PRKCB: variants seen among roughly 807,000 people sequenced by gnomAD.
PRKCB encodes the protein protein kinase C beta type.
PRKCB carries 13 observed loss-of-function variants against 81.5 expected under a neutral mutation model. The observed-to-expected ratio is 0.16, with a 90% CI of 0.10 to 0.25. The LOEUF (loss-of-function observed/expected upper bound fraction) is 0.25. Among genes scored for constraint, PRKCB ranks in the 10% least tolerant of loss-of-function variants. The pLI, the probability that PRKCB is intolerant of heterozygous loss-of-function variation, is 1.00. For missense variants in PRKCB, 509 were observed against 875.7 expected (o/e 0.58, Z 5.29); for synonymous variants, 335 against 321.4 (o/e 1.04, Z -0.45).
intron 3 of PRKCB, among the ~76,000 whole-genome samples, chr16:24,019,255 G>A (rs543265632): frequency 1.3e-5 from 2 of 151,752 alleles, no homozygotes; most frequent in African/African-American, 2.4e-5. Flanking sequence ...CAGGCAGGAG[G>A]ATCACTTGAG....
chr16:24,094,719 TG>T (rs761688781), intron 7 of PRKCB, among the ~76,000 whole-genome samples: 50 of 149,326 alleles, frequency 3.3e-4, no homozygotes, highest in African/African-American at 1.2e-3. Context: ...GTGAGCAAGG[TG>T]GTCAGAGATT....
chr16:23,920,392 C>G (rs2188356), intron 2 of PRKCB, among the ~76,000 whole-genome samples: 78,511 of 152,062 alleles, frequency 0.52, 21,114 homozygotes, highest in East Asian at 0.62. Flanking sequence ...GGCATTTAAA[C>G]CGATTTTGTG....
intron 2 of PRKCB, among the ~76,000 whole-genome samples, chr16:23,954,408 G>A (rs1436738567): frequency 6.6e-6 from 1 of 152,224 alleles, no homozygotes; most frequent in African/African-American, 2.4e-5. Flanking sequence ...TCCTCAGTAA[G>A]GATGATGGGC....
rs1476624243 is a variant in PRKCB, at chr16:24,132,771, C to CTCTTT, written c.1065+8791_1065+8792insCTTTT. Reference sequence around the variant, plus strand: ...TGATTTAGATGTGTATGATTTGGGGCTTTTTTTTTTTTTTTTTTTTTCTTC... The same window carrying CTCTTT: ...TGATTTAGATGTGTATGATTTGGGGCTCTTTTTTTTTTTTTTTTTTTTTTTTCTTC... On this transcript the variant is annotated intron_variant, in intron 9 of 16. Coordinates refer to ENST00000643927, the MANE Select transcript of PRKCB (RefSeq NM_002738.7). Among the ~76,000 whole-genome samples, 615 of 100,864 alleles carry CTCTTT rather than the reference C, an allele frequency of 6.1e-3. 3 individuals are homozygous for CTCTTT. Among genetic ancestry groups the CTCTTT allele is most frequent in the African/African-American group, 0.025 (569 of 22,790 alleles). 66.2% of individuals were successfully genotyped at this position (100,864 alleles called of 152,430 possible). A position where few individuals can be genotyped will look rare whatever the true frequency, so the allele number is the denominator to read the frequency against.
chr16:24,005,581 G>C (rs549733932), intron 3 of PRKCB, among the ~76,000 whole-genome samples: 1 of 152,286 alleles, frequency 6.6e-6, no homozygotes, highest in African/African-American at 2.4e-5. Context: ...TCCTCCATCC[G>C]CTGGGAGTCA....
intron 2 of PRKCB, among the ~76,000 whole-genome samples, chr16:23,936,579 A>ATTTTTTTTTTTTTTTTTTTT (rs57643578): frequency 1.0e-5 from 1 of 96,040 alleles, no homozygotes; most frequent in Non-Finnish European, 1.9e-5. Flanking sequence ...CACCCAACTA[A>ATTTTTTTTTTTTTTTTTTTT]TTTTTTTTTT....
At chr16:23,957,004 AAAG>A (rs1222608633) in intron 2 of PRKCB, among the ~76,000 whole-genome samples, 7 of 151,126 alleles carry the variant, frequency 4.6e-5, no homozygotes, top group Middle Eastern at 3.4e-3. Flanking sequence ...AAAAAAAAAA[AAAG>A]AATATTAGAG....
chr16:23,883,185 C>T (rs559391237), intron 2 of PRKCB, among the ~76,000 whole-genome samples: 2 of 152,158 alleles, frequency 1.3e-5, no homozygotes, highest in African/African-American at 4.8e-5. Context: ...GATCCACTGG[C>T]GATAAATGTC....
intron 5 of PRKCB, among the ~76,000 whole-genome samples, chr16:24,065,374 ATTT>A (rs1024841562): frequency 1.1e-4 from 17 of 151,398 alleles, no homozygotes; most frequent in African/African-American, 4.1e-4. Flanking sequence ...TGTTTTTATT[ATTT>A]TTATATTGAT....
intron 2 of PRKCB, among the ~76,000 whole-genome samples, chr16:23,929,921 C>T (rs1199693922): frequency 6.6e-6 from 1 of 151,864 alleles, no homozygotes; most frequent in Non-Finnish European, 1.5e-5. Context: ...TGGGGCACAG[C>T]GTACTATGAA....
chr16:23,892,076 A>G (rs1283047795), intron 2 of PRKCB, among the ~76,000 whole-genome samples: 1 of 152,156 alleles, frequency 6.6e-6, no homozygotes, highest in Non-Finnish European at 1.5e-5. Flanking sequence ...TCTGGGTGAC[A>G]TTTGCTGAAA....
intron 7 of PRKCB, among the ~76,000 whole-genome samples, chr16:24,109,511 C>T (rs1392985842): frequency 3.4e-5 from 4 of 118,706 alleles, no homozygotes; most frequent in Non-Finnish European, 6.8e-5. Context: ...AGACGATGGG[C>T]GGCCGGGCAG....
intron 5 of PRKCB, among the ~76,000 whole-genome samples, chr16:24,042,743 A>AATTT (rs71381630): frequency 4.8e-5 from 7 of 144,510 alleles, no homozygotes; most frequent in African/African-American, 1.0e-4. Context: ...TACATACAAA[A>AATTT]TTTTTTTTTT....
chr16:23,865,260 TTTGTTTGTG>T (rs1386617361), intron 2 of PRKCB, among the ~76,000 whole-genome samples: 1 of 59,304 alleles, frequency 1.7e-5, no homozygotes, highest in African/African-American at 6.8e-5. Context: ...TATTTTCTGT[TTTGTTTGTG>T]TGTGTGTGTG....
intron 8 of PRKCB, among the ~76,000 whole-genome samples, chr16:24,117,299 A>G (rs1314715378): frequency 2.6e-5 from 4 of 152,210 alleles, no homozygotes; most frequent in Non-Finnish European, 4.4e-5. Flanking sequence ...AGCTTGGCGC[A>G]GTTACCACAC....
chr16:24,043,625 G>C (rs1488114754), intron 5 of PRKCB, among the ~76,000 whole-genome samples: 1 of 152,262 alleles, frequency 6.6e-6, no homozygotes, highest in South Asian at 2.1e-4. Context: ...TGGGATACTG[G>C]ACCTAAGGAG....
chr16:24,170,958 T>C (rs955518448), intron 10 of PRKCB, among the ~76,000 whole-genome samples: 7 of 152,258 alleles, frequency 4.6e-5, no homozygotes, highest in African/African-American at 1.7e-4. Context: ...ACACAGATTT[T>C]TTTTTGTCCC....
intron 10 of PRKCB, among the ~76,000 whole-genome samples, chr16:24,169,508 A>G (rs1444194722): frequency 6.6e-6 from 1 of 152,100 alleles, no homozygotes; most frequent in East Asian, 1.9e-4. Flanking sequence ...CTCCAAGCAC[A>G]TGAGGTGTGC....
intron 3 of PRKCB, among the ~76,000 whole-genome samples, 164 bp downstream of exon 3, chr16:23,988,754 A>C (rs899200232): frequency 6.6e-6 from 1 of 152,128 alleles, no homozygotes; most frequent in Non-Finnish European, 1.5e-5. Context: ...TGGAAAACAA[A>C]ATTTTGGAGG....
Sources: allele counts gnomAD v4.1 joint callset (sites outside exome capture counted in the v4.1 genomes callset), GRCh38; gene constraint gnomAD v4.1.1; transcripts MANE v1.5; gene names NCBI Gene and HGNC (gene_info 2026-07-23, HGNC 2026-07-21).